LRRTM4: variants seen among roughly 807,000 people sequenced by gnomAD.
The protein encoded by LRRTM4 is leucine rich repeat transmembrane neuronal 4, also known as leucine-rich repeat transmembrane neuronal protein 4.
LRRTM4 carries 25 observed loss-of-function variants against 47.6 expected under a neutral mutation model. That is an observed-to-expected ratio of 0.53 (90% CI 0.38 to 0.73). The LOEUF is 0.73. Ranked by LOEUF, LRRTM4 falls within the 30% of genes least tolerant of loss-of-function variation. LRRTM4 has a pLI of 0.00. For synonymous variants in LRRTM4, 311 were observed against 269.5 expected, an observed-to-expected ratio of 1.15 and a Z score of -1.51; for missense variants, 638 against 713.4, an observed-to-expected ratio of 0.89 and a Z score of 1.20.
chr2:77,089,488 C>G lies in LRRTM4; in HGVS notation c.1552-340572G>C, dbSNP rs953604086. 1.4e-4 allele frequency among the ~76,000 whole-genome samples: 21 copies of G among 151,922 alleles called. 1 individual carries two copies. The highest frequency in any genetic ancestry group is 5.1e-4 in the African/African-American group (21 of 41,430). ...ATTTCCGTGCCCCGACCTCTTATTT[C>G]TGCGCCCCATCCCTTATTTCCATGC... On this transcript the variant is annotated intron_variant, in intron 3 of 3. Coordinates refer to ENST00000409884, the MANE Select transcript of LRRTM4 (RefSeq NM_001134745.3).
rs572491365 is a variant in LRRTM4 at position 77,357,772 on chromosome 2, G to A, written c.1551+160546C>T. The stretch of plus-strand genomic sequence containing the variant: ...AAAAATCTTGTACTTTTTAATGAGT[G>A]TAGCATTAGTGTGCACATACACATA... On this transcript the variant is annotated intron_variant, in intron 3 of 3. Transcript: ENST00000409884. Among the ~76,000 whole-genome samples, 7 of 152,194 alleles carry A rather than the reference G, an allele frequency of 4.6e-5. No homozygotes were observed. The South Asian group carries it at 1.5e-3, about 32-fold the overall frequency.
chr2:77,311,908 T>C (rs915434627), intron 3 of LRRTM4, among the ~76,000 whole-genome samples: 1 of 152,194 alleles, frequency 6.6e-6, no homozygotes, highest in African/African-American at 2.4e-5. Context: ...CCTTTCTAAA[T>C]GGATATGAGG....
At chr2:76,856,390 T>A (rs745594888) in intron 3 of LRRTM4, among the ~76,000 whole-genome samples, 65 of 152,172 alleles carry the variant, frequency 4.3e-4, no homozygotes, top group Admixed American at 9.2e-4. Context: ...TCCACTATGG[T>A]TGAAGTGCCT....
At chr2:77,397,352 G>A (rs1478708379) in intron 3 of LRRTM4, among the ~76,000 whole-genome samples, 2 of 151,788 alleles carry the variant, frequency 1.3e-5, no homozygotes, top group Non-Finnish European at 2.9e-5. Flanking sequence ...CATAAAAAGG[G>A]GAGGAGGAGG....
intron 3 of LRRTM4, among the ~76,000 whole-genome samples, chr2:76,916,655 A>C (rs911757339): frequency 1.3e-5 from 2 of 152,160 alleles, no homozygotes; most frequent in Non-Finnish European, 2.9e-5. Flanking sequence ...AGCCTCAAAC[A>C]AACCAATGCA....
chr2:76,797,632 A>C (rs1675414076), intron 3 of LRRTM4, among the ~76,000 whole-genome samples: 2 of 151,838 alleles, frequency 1.3e-5, no homozygotes, highest in African/African-American at 4.8e-5. Flanking sequence ...CTTTAAATGT[A>C]AATGGACTAA....
intron 3 of LRRTM4, among the ~76,000 whole-genome samples, chr2:77,308,694 T>C (rs1677359341): frequency 6.6e-6 from 1 of 152,294 alleles, no homozygotes; most frequent in Non-Finnish European, 1.5e-5. Context: ...ACCACAGCAA[T>C]CCATGTACAT....
chr2:77,262,822 C>G (rs1046060686), intron 3 of LRRTM4, among the ~76,000 whole-genome samples: 34 of 151,920 alleles, frequency 2.2e-4, no homozygotes, highest in African/African-American at 7.7e-4. Flanking sequence ...CTAATCCTGG[C>G]ACAGATCTCC....
intron 3 of LRRTM4, among the ~76,000 whole-genome samples, chr2:77,127,445 A>G (rs1288907302): frequency 6.6e-6 from 1 of 152,196 alleles, no homozygotes; most frequent in Non-Finnish European, 1.5e-5. Context: ...ATAGCCCTCA[A>G]TGATCCTTGG....
chr2:77,149,313 G>T (rs1042082517), intron 3 of LRRTM4, among the ~76,000 whole-genome samples: 3 of 151,132 alleles, frequency 2.0e-5, no homozygotes, highest in Non-Finnish European at 3.0e-5. Flanking sequence ...TATTTTATCA[G>T]TTTTTTTTTA....
At chr2:77,402,168 CAG>C (rs1038403398) in intron 3 of LRRTM4, among the ~76,000 whole-genome samples, 1 of 151,892 alleles carries the variant, frequency 6.6e-6, no homozygotes, top group African/African-American at 2.4e-5. Context: ...ATGTATGAGA[CAG>C]GGTCTCGCTA....
chr2:77,125,608 C>T (rs1455163258), intron 3 of LRRTM4, among the ~76,000 whole-genome samples: 2 of 152,118 alleles, frequency 1.3e-5, no homozygotes, highest in East Asian at 1.9e-4. Flanking sequence ...TTAGCATGGT[C>T]GTTGTTATCT....
At chr2:77,063,436 CCTCT>C (rs923598833) in intron 3 of LRRTM4, among the ~76,000 whole-genome samples, 2 of 151,994 alleles carry the variant, frequency 1.3e-5, no homozygotes, top group Non-Finnish European at 2.9e-5. Context: ...ATTTCATAGG[CCTCT>C]CTGTTTCTAC....
intron 3 of LRRTM4, among the ~76,000 whole-genome samples, chr2:76,923,678 A>G (rs2103814604): frequency 6.6e-6 from 1 of 152,136 alleles, no homozygotes; most frequent in East Asian, 1.9e-4. Flanking sequence ...TTTGTTTGCC[A>G]CTTCCTTTAG....
chr2:76,830,322 C>A (rs1294274913), intron 3 of LRRTM4, among the ~76,000 whole-genome samples: 1 of 151,872 alleles, frequency 6.6e-6, no homozygotes. Context: ...AACTATATGC[C>A]TTTTCTTTAA....
chr2:77,275,186 T>G (rs967819574), intron 3 of LRRTM4, among the ~76,000 whole-genome samples: 5 of 152,148 alleles, frequency 3.3e-5, no homozygotes, highest in African/African-American at 1.2e-4. Context: ...TTCCATAGCA[T>G]TTCTCTGTCC....
At chr2:77,100,282 A>T (rs1274910278) in intron 3 of LRRTM4, among the ~76,000 whole-genome samples, 1 of 152,204 alleles carries the variant, frequency 6.6e-6, no homozygotes, top group Non-Finnish European at 1.5e-5. Context: ...TAATACCTTG[A>T]CATACTTCTC....
chr2:77,426,122 A>T (rs1373919568), intron 3 of LRRTM4, among the ~76,000 whole-genome samples: 1 of 151,916 alleles, frequency 6.6e-6, no homozygotes, highest in Non-Finnish European at 1.5e-5. Flanking sequence ...CGTCAAAAAA[A>T]AAAAAAAAAG....
chr2:76,820,242 G>A (rs1421791079), intron 3 of LRRTM4, among the ~76,000 whole-genome samples: 2 of 151,722 alleles, frequency 1.3e-5, no homozygotes, highest in Admixed American at 6.6e-5. Flanking sequence ...AATCTACTTT[G>A]TCCATTTCGC....
Sources: gnomAD v4.1 joint callset for allele counts (sites outside exome capture counted in the v4.1 genomes callset) on GRCh38, gnomAD v4.1.1 for gene constraint, MANE v1.5 for transcripts, NCBI Gene and HGNC (gene_info 2026-07-23, HGNC 2026-07-21) for gene names.